The following PTPRD variants were observed in gnomAD, a reference collection of about 807,000 sequenced individuals.
PTPRD encodes receptor-type tyrosine-protein phosphatase delta.
PTPRD carries 34 observed loss-of-function variants against 214.5 expected under a neutral mutation model. The ratio of observed to expected loss-of-function variants is 0.16; its 90% CI spans 0.12 to 0.21. The LOEUF is 0.21. Among genes scored for constraint, PTPRD ranks in the 10% least tolerant of loss-of-function variants. The pLI is 1.00. For missense variants in PTPRD, 2,545 were observed against 2,398.7 expected (o/e 1.06, Z -1.27); for synonymous variants, 1,128 against 845.7 (o/e 1.33, Z -5.79).
At chr9:9,153,748 G>C (rs1046939063) in intron 10 of PTPRD, among the ~76,000 whole-genome samples, 2 of 152,120 alleles carry the variant, frequency 1.3e-5, no homozygotes, top group Non-Finnish European at 2.9e-5. Context: ...TTACCTTGTA[G>C]AAAAATCAAC....
intron 5 of PTPRD, among the ~76,000 whole-genome samples, chr9:9,820,875 G>C (rs1171400459): frequency 6.6e-6 from 1 of 151,968 alleles, no homozygotes; most frequent in Admixed American, 6.6e-5. Flanking sequence ...ATGCTGTTTT[G>C]GCTACTATGG....
At chr9:8,548,976 C>A (rs564874047) in intron 14 of PTPRD, among the ~76,000 whole-genome samples, 1 of 152,096 alleles carries the variant, frequency 6.6e-6, no homozygotes, top group African/African-American at 2.4e-5. Context: ...CAGATGTGAG[C>A]CACCGTGCCC....
chr9:8,666,932 A>G lies in PTPRD; in HGVS notation c.65-30088T>C, dbSNP rs541766770. 2.7e-5 allele frequency among the ~76,000 whole-genome samples: 4 copies of G among 145,696 alleles called. No individual in the cohort carries two copies. In the East Asian group the frequency reaches 5.8e-4, roughly 21 times the overall value. ...CAAGCATTGTGTCTTGTGTACATAC[A>G]TTATCTCTAACAAGACACAAGCATT... On this transcript the variant is annotated intron_variant, in intron 12 of 45. Coordinates refer to ENST00000381196, the MANE Select transcript of PTPRD (RefSeq NM_002839.4).
At chr9:9,235,234 TG>T (rs897000447) in intron 9 of PTPRD, among the ~76,000 whole-genome samples, 34 of 152,042 alleles carry the variant, frequency 2.2e-4, no homozygotes, top group South Asian at 8.3e-4. Flanking sequence ...GAGAACAACA[TG>T]GGGGTAATCA....
chr9:8,354,414 C>A (rs1057087316), intron 39 of PTPRD, among the ~76,000 whole-genome samples: 2 of 152,088 alleles, frequency 1.3e-5, no homozygotes, highest in Non-Finnish European at 2.9e-5. Context: ...AACACCAATA[C>A]GAAAAATTTA....
chr9:9,730,526 T>C (rs1413181027), intron 7 of PTPRD, among the ~76,000 whole-genome samples: 2 of 152,152 alleles, frequency 1.3e-5, no homozygotes, highest in Non-Finnish European at 2.9e-5. Context: ...TCTCTGAATT[T>C]TTCTCAATAA....
intron 11 of PTPRD, among the ~76,000 whole-genome samples, chr9:8,816,687 CA>C (rs1460983242): frequency 6.6e-6 from 1 of 152,116 alleles, no homozygotes; most frequent in African/African-American, 2.4e-5. Context: ...AAGAAAGGTA[CA>C]AATCCTTTAA....
intron 4 of PTPRD, among the ~76,000 whole-genome samples, chr9:10,019,587 C>G (rs1340404346): frequency 2.6e-5 from 4 of 152,140 alleles, no homozygotes; most frequent in African/African-American, 9.7e-5. Flanking sequence ...CCATGGAATA[C>G]TATGCATTCA....
chr9:8,340,415 G>C lies in PTPRD; in HGVS notation c.5181C>G (p.Asp1727Glu), dbSNP rs1432019125. 6.2e-7 allele frequency: 1 copy of C among 1,609,698 alleles called. No individual in the cohort carries two copies. Among genetic ancestry groups the C allele is most frequent in the Non-Finnish European group, 8.5e-7 (1 of 1,176,914 alleles). ...TGTGTTCCCAGAGCATCCGCCAGAA[G>C]TCTTCAGTGGTCTCTGCCAAGGGCC... ...TQGPLAETTEDFWRMLWEHNS... is the reference protein window; with the variant it reads ...TQGPLAETTEEFWRMLWEHNS... Residue 1727 changes from aspartate to glutamate, a missense_variant, in exon 42 of 46, where the codon GAC (aspartate) becomes GAG (glutamate). Transcript: ENST00000381196.
intron 3 of PTPRD, among the ~76,000 whole-genome samples, chr9:10,282,338 A>G (rs2095160600): frequency 1.3e-5 from 2 of 152,184 alleles, no homozygotes; most frequent in African/African-American, 4.8e-5. Flanking sequence ...TCAATACAGA[A>G]CTTTGTATGT....
At chr9:8,780,663 T>G (rs1185296234) in intron 11 of PTPRD, among the ~76,000 whole-genome samples, 2 of 152,114 alleles carry the variant, frequency 1.3e-5, no homozygotes, top group African/African-American at 4.8e-5. Flanking sequence ...AAAACTAGAC[T>G]CAGGCAAGGC....
chr9:10,416,963 A>C (rs895261464), intron 2 of PTPRD, among the ~76,000 whole-genome samples: 1 of 151,930 alleles, frequency 6.6e-6, no homozygotes, highest in Non-Finnish European at 1.5e-5. Flanking sequence ...GAACTCTCTG[A>C]AACAAATCTT....
chr9:9,962,404 C>G (rs2094426375), intron 4 of PTPRD, among the ~76,000 whole-genome samples: 1 of 152,042 alleles, frequency 6.6e-6, no homozygotes, highest in Non-Finnish European at 1.5e-5. Context: ...ATCTATCCAG[C>G]TAAACAAATC....
At chr9:8,757,841 C>T (rs10117784) in intron 11 of PTPRD, among the ~76,000 whole-genome samples, 7,581 of 151,992 alleles carry the variant, frequency 0.05, 468 homozygotes, top group African/African-American at 0.15. Flanking sequence ...AATATAATCC[C>T]AATTTTGACC....
At chr9:9,959,434 A>G (rs2154021048) in intron 4 of PTPRD, among the ~76,000 whole-genome samples, 1 of 152,304 alleles carries the variant, frequency 6.6e-6, no homozygotes, top group Admixed American at 6.5e-5. Flanking sequence ...GACACATGAC[A>G]GTACATATTT....
At chr9:9,940,832 A>G (rs528381421) in intron 4 of PTPRD, among the ~76,000 whole-genome samples, 79 of 152,264 alleles carry the variant, frequency 5.2e-4, no homozygotes, top group African/African-American at 1.8e-3. Flanking sequence ...TGATTTGCCT[A>G]GAAAACTCTT....
At chr9:9,734,853 T>C (rs1052198925) in intron 6 of PTPRD, among the ~76,000 whole-genome samples, 2 of 152,120 alleles carry the variant, frequency 1.3e-5, no homozygotes, top group South Asian at 4.1e-4. Flanking sequence ...TTTGGTTAAT[T>C]CTTTAAGTTC....
At chr9:9,994,319 G>T (rs1336139728) in intron 4 of PTPRD, among the ~76,000 whole-genome samples, 1 of 151,842 alleles carries the variant, frequency 6.6e-6, no homozygotes, top group Non-Finnish European at 1.5e-5. Flanking sequence ...TATTAAATTT[G>T]TAAGATAGTT....
At chr9:9,579,186 T>C (rs2089981886) in intron 7 of PTPRD, among the ~76,000 whole-genome samples, 1 of 152,136 alleles carries the variant, frequency 6.6e-6, no homozygotes, top group African/African-American at 2.4e-5. Flanking sequence ...ATATTTATTA[T>C]GAGTCTAATA....
Sources: gnomAD v4.1 joint callset for allele counts (sites outside exome capture counted in the v4.1 genomes callset) on GRCh38, gnomAD v4.1.1 for gene constraint, MANE v1.5 for transcripts, NCBI Gene and HGNC (gene_info 2026-07-23, HGNC 2026-07-21) for gene names.